LMOD1: variants seen among roughly 807,000 people sequenced by gnomAD.
LMOD1 encodes the protein leiomodin 1.
Under a neutral mutation model 36.5 loss-of-function variants are expected in LMOD1, and 8 were observed. That is an observed-to-expected ratio of 0.22 (90% CI 0.13 to 0.40). The LOEUF (loss-of-function observed/expected upper bound fraction) is 0.40, where lower values mean the gene tolerates loss of function less well. Ranked by LOEUF, LMOD1 falls within the 10% of genes least tolerant of loss-of-function variation. The pLI, the probability that LMOD1 is intolerant of heterozygous loss-of-function variation, is 1.00. For missense variants in LMOD1, 630 were observed against 751.1 expected, an observed-to-expected ratio of 0.84 and a Z score of 1.88; for synonymous variants, 284 against 288.7, an observed-to-expected ratio of 0.98 and a Z score of 0.17.
chr1:201,931,938 A>G (rs1188784866), intron 1 of LMOD1, among the ~76,000 whole-genome samples: 1 of 152,096 alleles, frequency 6.6e-6, no homozygotes, highest in Non-Finnish European at 1.5e-5. Flanking sequence ...AGTGTCCCAG[A>G]GGAGTGAGAA....
Position 201,900,181 on chromosome 1 carries a change from G to A in LMOD1, c.832C>T (p.His278Tyr). Residue 278 changes from histidine to tyrosine, a missense_variant, in exon 2 of 3, where the codon CAT becomes TAT. Physicochemically the swap from His to Tyr is moderately conservative, Grantham distance 83. This residue lies in a region of LMOD1 where 405 missense variants were observed against 400.6 expected (regional missense o/e 1.01). Coordinates refer to ENST00000367288, the MANE Select transcript of LMOD1 (RefSeq NM_012134.3). ...DEKVKKNEPLHEKEAKDDSKT... is the reference protein window; with the variant it reads ...DEKVKKNEPLYEKEAKDDSKT... ...CTGTCATCCTTGGCTTCCTTTTCATGTAAGGGTTCATTCTTCTTGACTTTT... is the reference window on the plus strand; with the variant it reads ...CTGTCATCCTTGGCTTCCTTTTCATATAAGGGTTCATTCTTCTTGACTTTT... The A allele has an allele frequency of 1.2e-6, 2 of 1,613,870 alleles. No homozygotes were observed. The highest frequency in any genetic ancestry group is 1.7e-6 in the Non-Finnish European group (2 of 1,179,874).
chr1:201,906,001 C>T (rs1681404844), intron 1 of LMOD1, among the ~76,000 whole-genome samples: 1 of 152,198 alleles, frequency 6.6e-6, no homozygotes, highest in Admixed American at 6.5e-5. Flanking sequence ...CTCAATGTGG[C>T]CTGGTGATAC....
chr1:201,918,997 A>T (rs1681653743), intron 1 of LMOD1, among the ~76,000 whole-genome samples: 1 of 151,162 alleles, frequency 6.6e-6, no homozygotes, highest in East Asian at 2.0e-4. Flanking sequence ...GGCTCAAGTG[A>T]TCCTCCTGCC....
chr1:201,935,796 A>T (rs1482937328), intron 1 of LMOD1, among the ~76,000 whole-genome samples: 1 of 149,838 alleles, frequency 6.7e-6, no homozygotes, highest in African/African-American at 2.4e-5. Flanking sequence ...ATCTCAAGTG[A>T]TCTGCCCGCC....
chr1:201,939,902 T>G (rs1261163763), intron 1 of LMOD1, among the ~76,000 whole-genome samples: 1 of 152,084 alleles, frequency 6.6e-6, no homozygotes, highest in Non-Finnish European at 1.5e-5. Flanking sequence ...TAAAGTCTCC[T>G]GGGGGAGAGA....
chr1:201,937,322 C>T (rs903945849), intron 1 of LMOD1, among the ~76,000 whole-genome samples: 2 of 151,998 alleles, frequency 1.3e-5, no homozygotes, highest in East Asian at 3.9e-4. Flanking sequence ...TGGGACACAC[C>T]TGTAGTCCTA....
intron 1 of LMOD1, among the ~76,000 whole-genome samples, chr1:201,900,966 G>T (rs1681290295): frequency 6.6e-6 from 1 of 152,080 alleles, no homozygotes; most frequent in African/African-American, 2.4e-5. Context: ...CAGACTCAAG[G>T]CCTCAGGGTT....
At chr1:201,915,926 CT>C (rs527282006) in intron 1 of LMOD1, among the ~76,000 whole-genome samples, 60 of 147,952 alleles carry the variant, frequency 4.1e-4, no homozygotes, top group East Asian at 2.6e-3. Flanking sequence ...AATGTCTGAA[CT>C]TTTTTTTTTT....
chr1:201,939,341 C>T (rs1682075929), intron 1 of LMOD1, among the ~76,000 whole-genome samples: 1 of 152,110 alleles, frequency 6.6e-6, no homozygotes, highest in African/African-American at 2.4e-5. Flanking sequence ...AGTAATTGGG[C>T]CTCAAGAAGC....
intron 1 of LMOD1, among the ~76,000 whole-genome samples, chr1:201,913,086 C>CCAGCCT (rs2102915690): frequency 6.6e-6 from 1 of 152,254 alleles, no homozygotes; most frequent in African/African-American, 2.4e-5. Context: ...AAGGAGAAGC[C>CCAGCCT]CAGCCTCACT....
At position 201,912,820 on chromosome 1, in the gene LMOD1, C is replaced by T. The variant is rs1022313591; in HGVS notation, c.262-12069G>A. Among the ~76,000 whole-genome samples, 11 of 152,152 alleles carry T rather than the reference C, an allele frequency of 7.2e-5. No homozygotes were observed. In the East Asian group the frequency reaches 1.9e-3, roughly 27 times the overall value. ...GTTGCAGTGAGCCGAGATGGCACCA[C>T]TGCACTCCCAGCCTAGAGGTGACAG... On this transcript the variant is annotated intron_variant, in intron 1 of 2. Coordinates refer to ENST00000367288, the MANE Select transcript of LMOD1 (RefSeq NM_012134.3).
chr1:201,933,990 C>T (rs894039112), intron 1 of LMOD1, among the ~76,000 whole-genome samples: 8 of 152,136 alleles, frequency 5.3e-5, no homozygotes, highest in African/African-American at 1.2e-4. Context: ...TGTCCCACCA[C>T]GCCAGCTGTC....
In LMOD1 at chr1:201,897,110, G is replaced by A. The variant is rs1429201730; in HGVS notation, c.*1262C>T. 3.9e-6 allele frequency: 1 copy of A among 258,502 alleles called. No homozygotes were observed. Among genetic ancestry groups the A allele is most frequent in the African/African-American group, 2.2e-5 (1 of 45,300 alleles). 16.0% of individuals were successfully genotyped at this position (258,502 alleles called of 1,614,324 possible). On this transcript the variant is annotated 3_prime_UTR_variant, in exon 3 of 3. Transcript: ENST00000367288. ...GTCAGCATTCCTGCAGTTGGGGCAG[G>A]AAGTGGAATTGGTGAGCAGGTGGGG...
intron 1 of LMOD1, among the ~76,000 whole-genome samples, chr1:201,904,526 T>C (rs1320820585): frequency 6.6e-6 from 1 of 152,194 alleles, no homozygotes; most frequent in Non-Finnish European, 1.5e-5. Context: ...TAACCTTCTT[T>C]CTTCCCTGAC....
intron 1 of LMOD1, among the ~76,000 whole-genome samples, chr1:201,937,443 T>C (rs1282130534): frequency 6.6e-6 from 1 of 151,272 alleles, no homozygotes; most frequent in Non-Finnish European, 1.5e-5. Context: ...TAAGATCCTG[T>C]CTCAAACAAA....
At chr1:201,927,352 G>C (rs1280494864) in intron 1 of LMOD1, among the ~76,000 whole-genome samples, 1 of 152,188 alleles carries the variant, frequency 6.6e-6, no homozygotes, top group Non-Finnish European at 1.5e-5. Context: ...AGGATCACGA[G>C]GTCAGGAGAT....
rs772689480 is a variant in LMOD1, at chr1:201,946,111, T to C, written c.230A>G (p.Lys77Arg). The change falls in exon 1 of 3, where the codon AAG becomes AGG. Residue 77 changes from lysine (K) to arginine (R), a missense_variant. Transcript: ENST00000367288. Reference sequence around the variant, plus strand: ...GGACATCTCCCTCTGCATAAGTTTCTTGGTCTCCTTTTCACAGAAGTTGAG... The same window carrying C: ...GGACATCTCCCTCTGCATAAGTTTCCTGGTCTCCTTTTCACAGAAGTTGAG... ...AMLNFCEKET[K>R]KLMQREMSMD... The C allele has an allele frequency of 5.0e-6, 8 of 1,613,986 alleles. No homozygotes were observed. The Admixed American group carries it at 8.3e-5, about 17-fold the overall frequency.
chr1:201,900,788 T>C, intron 1 of LMOD1, 37 bp from the exon 2 acceptor site: 1 of 1,537,454 alleles, frequency 6.5e-7, no homozygotes, highest in South Asian at 1.3e-5. Context: ...CATGAAAAGC[T>C]GGCTACAGAG....
intron 1 of LMOD1, among the ~76,000 whole-genome samples, chr1:201,924,703 AAGAAAGAAAGAAAG>A (rs1207500698): frequency 7.7e-6 from 1 of 130,072 alleles, no homozygotes; most frequent in Non-Finnish European, 1.7e-5. Flanking sequence ...GAAAGAAAGA[AAGAAAGAAAGAAAG>A]AAAGAAAGAA....
Sources: gnomAD v4.1 joint callset for allele counts (sites outside exome capture counted in the v4.1 genomes callset) on GRCh38, gnomAD v4.1.1 for gene constraint, gnomAD v4.1.1 regional missense constraint, MANE v1.5 for transcripts, NCBI Gene and HGNC (gene_info 2026-07-23, HGNC 2026-07-21) for gene names.